ZNF8: variants seen among roughly 807,000 people sequenced by gnomAD.
ZNF8 encodes zinc finger protein 8, also known as zinc finger protein 272.
A neutral mutation model predicts 12.2 loss-of-function variants in ZNF8; 9 were observed. The ratio of observed to expected loss-of-function variants is 0.73; its 90% CI spans 0.44 to 1.28. The LOEUF (loss-of-function observed/expected upper bound fraction) is 1.28, where lower values mean the gene tolerates loss of function less well. ZNF8 is among the 50% of genes most tolerant of loss of function. The pLI is 0.00. For synonymous variants in ZNF8, 274 were observed against 282.3 expected, an observed-to-expected ratio of 0.97 and a Z score of 0.30; for missense variants, 664 against 729.1, an observed-to-expected ratio of 0.91 and a Z score of 1.03.
In ZNF8 at chr19:58,295,556, A is replaced by G; in HGVS notation, c.*20A>G. 3 of 1,554,886 alleles carry G rather than the reference A, an allele frequency of 1.9e-6. No homozygotes were observed. The highest frequency in any genetic ancestry group is 1.2e-5 in the South Asian group (1 of 83,222). On this transcript the variant is annotated 3_prime_UTR_variant, in exon 4 of 4. Transcript: ENST00000621650. ...ACATAGGAGAGAAACTTTGCTGATG[A>G]CTTTTAACCACAAGTAAAAAATGTG... is the stretch of plus-strand genomic sequence containing the variant.
chr19:58,285,606 T>G (rs1414628033), intron 1 of ZNF8, 111 bp from the exon 2 acceptor site: 2 of 1,475,956 alleles, frequency 1.4e-6, no homozygotes, highest in Non-Finnish European at 1.9e-6. Context: ...ATTCATAACG[T>G]GCAGTCTCTC....
Position 58,285,788 on chromosome 19 carries a change from G to A in ZNF8, c.138G>A (p.Gln46=). The A allele has an allele frequency of 6.2e-7, 1 of 1,614,140 alleles. No individual in the cohort carries two copies. Among genetic ancestry groups the A allele is most frequent in the Non-Finnish European group, 8.5e-7 (1 of 1,180,006 alleles). ...AATGGGGGCAGCTGGACCCTACCCA[G>A]AGGATCCTCTACCGTGACGTGATGC... The part of the protein sequence containing the change: ...QEEWGQLDPT[Q]RILYRDVMLE... The change falls in exon 2 of 4, where the codon CAG becomes CAA. Residue 46 remains glutamine (Q), a synonymous_variant. Coordinates refer to ENST00000621650, the MANE Select transcript of ZNF8 (RefSeq NM_021089.3).
chr19:58,293,428 A>G (rs2051433035), intron 3 of ZNF8, among the ~76,000 whole-genome samples: 1 of 152,226 alleles, frequency 6.6e-6, no homozygotes, highest in Admixed American at 6.5e-5. Flanking sequence ...GGCTGTGAAC[A>G]TTCTAGTGCG....
At position 58,286,099 on chromosome 19, in the gene ZNF8, C is replaced by T. The variant is rs1368487315; in HGVS notation, c.194-11C>T. 3 of 1,613,278 alleles carry T rather than the reference C, an allele frequency of 1.9e-6. No individual in the cohort carries two copies. Among genetic ancestry groups the T allele is most frequent in the Admixed American group, 3.3e-5 (2 of 59,904 alleles). On this transcript the variant is annotated splice_polypyrimidine_tract_variant and intron_variant, in intron 2 of 3. Coordinates refer to ENST00000621650, the MANE Select transcript of ZNF8 (RefSeq NM_021089.3). ...CAGCCCCTCACCTCCTGTGTTTTTC[C>T]CCATTTCCAGGTCCTGAGCTTCCGA...
chr19:58,302,340 A>G lies in ZNF8; in HGVS notation c.*6804A>G, dbSNP rs1187411678. ...AAAATTCCTCATACTTTAGCCATCCATAGATGGTCCTTACCATTAGGATTT... is the reference window on the plus strand; with the variant it reads ...AAAATTCCTCATACTTTAGCCATCCGTAGATGGTCCTTACCATTAGGATTT... On this transcript the variant is annotated 3_prime_UTR_variant, in exon 4 of 4. Transcript: ENST00000621650. 1 of 152,228 alleles carries G rather than the reference A, an allele frequency of 6.6e-6. No individual in the cohort carries two copies. Among genetic ancestry groups the G allele is most frequent in the African/African-American group, 2.4e-5 (1 of 41,464 alleles). The allele number at this position is 152,228 out of a possible 1,614,324, so 9.4% of individuals were successfully genotyped here. A position where few individuals can be genotyped will look rare whatever the true frequency, so the allele number is the denominator to read the frequency against.
chr19:58,281,836 G>A (rs1336960593), intron 1 of ZNF8, among the ~76,000 whole-genome samples: 4 of 152,178 alleles, frequency 2.6e-5, no homozygotes, highest in African/African-American at 9.7e-5. Context: ...TTTGGGGCCT[G>A]GTGCAGTGGC....
At position 58,295,037 on chromosome 19, in the gene ZNF8, C is replaced by T; in HGVS notation, c.1229C>T (p.Ser410Leu). The change falls in exon 4 of 4, where the codon TCA (serine) becomes TTA (leucine). Residue 410 changes from serine (S) to leucine (L), a missense_variant. Coordinates refer to ENST00000621650, the MANE Select transcript of ZNF8 (RefSeq NM_021089.3). ...TGCGGGAAGGGCTTCAGGCACAGCT[C>T]ATCCCTGGCCCAGCACCAGCGGAAG... Reference protein sequence around the residue: ...NHCGKGFRHSSSLAQHQRKHA... With the variant: ...NHCGKGFRHSLSLAQHQRKHA... 6.2e-7 allele frequency: 1 copy of T among 1,614,108 alleles called. No homozygotes were observed. Among genetic ancestry groups the T allele is most frequent in the Non-Finnish European group, 8.5e-7 (1 of 1,179,974 alleles).
In ZNF8 at chr19:58,285,784, C is replaced by A. The variant is rs1227374951; in HGVS notation, c.134C>A (p.Thr45Asn). ...TQEEWGQLDP[T>N]QRILYRDVML... ...GAGGAATGGGGGCAGCTGGACCCTA[C>A]CCAGAGGATCCTCTACCGTGACGTG... Residue 45 changes from threonine (T) to asparagine (N), a missense_variant, in exon 2 of 4, where the codon ACC becomes AAC. By Grantham distance (65) the Thr-to-Asn change is moderately conservative. Around this residue, in one of 3 missense-constraint regions of ZNF8, gnomAD observed 306 missense variants for 308.7 expected, o/e 0.99. Transcript: ENST00000621650. The A allele has an allele frequency of 1.2e-6, 2 of 1,614,092 alleles. No individual in the cohort carries two copies. The highest frequency in any genetic ancestry group is 1.7e-6 in the Non-Finnish European group (2 of 1,179,982).
intron 1 of ZNF8, among the ~76,000 whole-genome samples, chr19:58,283,978 C>T (rs890606629): frequency 6.6e-6 from 1 of 152,040 alleles, no homozygotes; most frequent in Non-Finnish European, 1.5e-5. Context: ...TTACTTCGTC[C>T]TTAGGAGGAC....
chr19:58,293,968 G>A, intron 3 of ZNF8, 130 bp from the exon 4 acceptor site: 1 of 788,630 alleles, frequency 1.3e-6, no homozygotes, highest in East Asian at 2.5e-5. Flanking sequence ...TAAAATAAGA[G>A]GAGAATCAGG....
chr19:58,294,053 G>T lies in ZNF8; in HGVS notation c.290-45G>T, dbSNP rs371313338. On this transcript the variant is annotated intron_variant, in intron 3 of 3. Transcript: ENST00000621650. This position sits in a 1 kb window ranked among gnomAD's most constrained non-coding sequence, Gnocchi z 5.5. The stretch of plus-strand genomic sequence containing the variant: ...GGTGTTGGAGGCCTGTCCCCCTTCC[G>T]TTTTTTTCTCCCAACAGCTCAGAGA... 3 of 1,541,398 alleles carry T rather than the reference G, an allele frequency of 1.9e-6. No individual in the cohort carries two copies. Among genetic ancestry groups the T allele is most frequent in the Non-Finnish European group, 2.6e-6 (3 of 1,140,434 alleles).
chr19:58,279,190 GCGTC>G, intron 1 of ZNF8, 43 bp downstream of exon 1: 2 of 1,542,384 alleles, frequency 1.3e-6, no homozygotes, highest in Non-Finnish European at 8.7e-7. Context: ...CTCCGGGCAA[GCGTC>G]TCCCGCGCAG....
intron 1 of ZNF8, chr19:58,279,565 C>T: frequency 3.3e-6 from 5 of 1,529,486 alleles, no homozygotes; most frequent in South Asian, 1.2e-5. Context: ...GATGCTTTAA[C>T]GCGTGGAGTC....
At chr19:58,290,971 G>A (rs1434378657) in intron 3 of ZNF8, among the ~76,000 whole-genome samples, 2 of 152,194 alleles carry the variant, frequency 1.3e-5, no homozygotes, top group Admixed American at 1.3e-4. Context: ...GGAGGTTGCA[G>A]TGAGCTGAGA....
intron 3 of ZNF8, among the ~76,000 whole-genome samples, chr19:58,289,271 G>A (rs1336630866): frequency 2.0e-5 from 3 of 152,212 alleles, no homozygotes; most frequent in East Asian, 1.9e-4. Context: ...CAGGGCAGAC[G>A]GATCACTTGA....
chr19:58,295,313 G>T lies in ZNF8; in HGVS notation c.1505G>T (p.Arg502Leu), dbSNP rs750570090. The T allele has an allele frequency of 5.0e-6, 8 of 1,614,208 alleles. No homozygotes were observed. Among genetic ancestry groups the T allele is most frequent in the Non-Finnish European group, 6.8e-6 (8 of 1,180,024 alleles). ...EEQPHGRSRR[R>L]EQSSSRNSHL... is the part of the protein sequence containing the mutation. ...CAGCCCCATGGGCGAAGCCGGCGGC[G>T]TGAACAATCCTCGAGCAGGAACTCA... Residue 502 changes from arginine (R) to leucine (L), a missense_variant, in exon 4 of 4, where the codon CGT (arginine) becomes CTT (leucine). Physicochemically the swap from Arg to Leu is moderately radical, Grantham distance 102. This residue lies in a region of ZNF8 where 225 missense variants were observed against 222.0 expected (regional missense o/e 1.01). Transcript: ENST00000621650.
Position 58,294,532 on chromosome 19 carries a change from A to G in ZNF8, c.724A>G (p.Ile242Val). Residue 242 changes from isoleucine to valine, a missense_variant, in exon 4 of 4, where the codon ATT (isoleucine) becomes GTT (valine). Physicochemically the swap from Ile to Val is conservative, Grantham distance 29. Transcript: ENST00000621650. This position sits in a 1 kb window ranked among gnomAD's most constrained non-coding sequence, Gnocchi z 5.5. The stretch of plus-strand genomic sequence containing the variant: ...CTGTCACAGAGATTCCAGTCAGGCC[A>G]TTCCAATTACGGAACTCACAAAAAG... Reference protein sequence around the residue: ...SDCHRDSSQAIPITELTKSQV... With the variant: ...SDCHRDSSQAVPITELTKSQV... 6.2e-7 allele frequency: 1 copy of G among 1,614,208 alleles called. No individual in the cohort carries two copies. Among genetic ancestry groups the G allele is most frequent in the Non-Finnish European group, 8.5e-7 (1 of 1,180,036 alleles).
In ZNF8 at chr19:58,297,204, G is replaced by T. The variant is rs1339936386; in HGVS notation, c.*1668G>T. The T allele has an allele frequency of 1.3e-5, 2 of 151,510 alleles. No homozygotes were observed. The highest frequency in any genetic ancestry group is 2.9e-5 in the Non-Finnish European group (2 of 67,992). The allele number at this position is 151,510 out of a possible 1,614,324, so 9.4% of individuals were successfully genotyped here. A position where few individuals can be genotyped will look rare whatever the true frequency, so the allele number is the denominator to read the frequency against. On this transcript the variant is annotated 3_prime_UTR_variant, in exon 4 of 4. Coordinates refer to ENST00000621650, the MANE Select transcript of ZNF8 (RefSeq NM_021089.3). Reference sequence around the variant, plus strand: ...ACCGAGATTGCACCACTGCACTCCAGCCTGGGTGACAGAGCAAGACTCTGT... The same window carrying T: ...ACCGAGATTGCACCACTGCACTCCATCCTGGGTGACAGAGCAAGACTCTGT...
In ZNF8 at chr19:58,294,769, T is replaced by G. The variant is rs2051442664; in HGVS notation, c.961T>G (p.Ser321Ala). 3.1e-6 allele frequency: 5 copies of G among 1,614,042 alleles called. No individual in the cohort carries two copies. The highest frequency in any genetic ancestry group is 4.2e-6 in the Non-Finnish European group (5 of 1,180,012). ...KPYKCAECGKSFCHSTHLTVH... is the reference protein window; with the variant it reads ...KPYKCAECGKAFCHSTHLTVH... The stretch of plus-strand genomic sequence containing the variant: ...CTACAAGTGTGCCGAATGTGGGAAG[T>G]CTTTCTGCCATAGTACACACCTTAC... Residue 321 changes from serine to alanine, a missense_variant, in exon 4 of 4, where the codon TCT becomes GCT. Coordinates refer to ENST00000621650, the MANE Select transcript of ZNF8 (RefSeq NM_021089.3). The surrounding 1 kb of genome is among the most constrained non-coding windows in gnomAD (Gnocchi z 5.5).
Sources: gnomAD v4.1 joint callset for allele counts (sites outside exome capture counted in the v4.1 genomes callset) on GRCh38, gnomAD v4.1.1 for gene constraint, gnomAD v4.1.1 regional missense constraint, Gnocchi (gnomAD v3.1) non-coding constraint, MANE v1.5 for transcripts, NCBI Gene and HGNC (gene_info 2026-07-23, HGNC 2026-07-21) for gene names.